The following CSTF3 variants were observed in gnomAD, a reference collection of about 807,000 sequenced individuals.
CSTF3 encodes the protein cleavage stimulation factor subunit 3, also known as CF-1 77 kDa subunit.
CSTF3 carries 29 observed loss-of-function variants against 105.8 expected under a neutral mutation model. The ratio of observed to expected loss-of-function variants is 0.27; its 90% CI spans 0.20 to 0.37. CSTF3 has a LOEUF of 0.37. CSTF3 is among the 10% of genes least tolerant of loss of function. The pLI is 1.00. For synonymous variants in CSTF3, 252 were observed against 281.9 expected, an observed-to-expected ratio of 0.89 and a Z score of 1.06; for missense variants, 357 against 879.3, an observed-to-expected ratio of 0.41 and a Z score of 7.51.
chr11:33,086,826 G>T (rs990780673), intron 18 of CSTF3, among the ~76,000 whole-genome samples, 162 bp downstream of exon 18: 2 of 152,146 alleles, frequency 1.3e-5, no homozygotes, highest in African/African-American at 4.8e-5. Context: ...GACATTCTTA[G>T]TTAATCTAGT....
At chr11:33,112,972 C>T (rs1052028504) in intron 3 of CSTF3, among the ~76,000 whole-genome samples, 4 of 151,974 alleles carry the variant, frequency 2.6e-5, no homozygotes, top group Admixed American at 2.0e-4. Context: ...CTTTGGGAGG[C>T]CTCGGTGGGT....
chr11:33,118,012 G>A (rs188512261), intron 3 of CSTF3, among the ~76,000 whole-genome samples: 4 of 151,332 alleles, frequency 2.6e-5, no homozygotes, highest in African/African-American at 4.8e-5. Context: ...TCACAAAGGA[G>A]AGAGTTGGGA....
chr11:33,108,513 C>A (rs1208996430), intron 3 of CSTF3, 95 bp from the exon 4 acceptor site: 1 of 935,834 alleles, frequency 1.1e-6, no homozygotes, highest in African/African-American at 1.7e-5. Context: ...GCAAATTCAT[C>A]CCTATAGTTT....
intron 3 of CSTF3, among the ~76,000 whole-genome samples, chr11:33,132,020 T>C (rs186350213): frequency 2.8e-4 from 43 of 152,274 alleles, no homozygotes; most frequent in African/African-American, 9.9e-4. Context: ...CTATATATTA[T>C]TCTTTCAAAT....
intron 12 of CSTF3, 23 bp from the exon 13 acceptor site, chr11:33,098,787 A>G (rs755439194): frequency 6.9e-7 from 1 of 1,452,356 alleles, no homozygotes; most frequent in South Asian, 1.4e-5. Flanking sequence ...AGAAGAAGTG[A>G]GTATCAACAT....
chr11:33,123,208 G>T (rs1232059988), intron 3 of CSTF3, among the ~76,000 whole-genome samples: 1 of 150,814 alleles, frequency 6.6e-6, no homozygotes, highest in African/African-American at 2.4e-5. Flanking sequence ...CAAAAAAATG[G>T]ACTAGAGAGA....
intron 1 of CSTF3, among the ~76,000 whole-genome samples, chr11:33,154,736 C>T (rs1309856893): frequency 1.3e-5 from 2 of 152,042 alleles, no homozygotes; most frequent in Non-Finnish European, 2.9e-5. Context: ...ACCAAGTGAT[C>T]CGCCAGCCTC....
At chr11:33,102,714 TC>T (rs1301089606) in intron 9 of CSTF3, among the ~76,000 whole-genome samples, 1 of 152,152 alleles carries the variant, frequency 6.6e-6, no homozygotes, top group Non-Finnish European at 1.5e-5. Flanking sequence ...TTTCCTAACT[TC>T]CAAGAGTGTC....
chr11:33,126,130 T>A (rs1855540271), intron 3 of CSTF3, among the ~76,000 whole-genome samples: 1 of 152,210 alleles, frequency 6.6e-6, no homozygotes, highest in Admixed American at 6.5e-5. Context: ...ACTGAGGCAC[T>A]AAATTCCAAA....
Position 33,146,820 on chromosome 11 carries a change from C to G in CSTF3, c.28-4834G>C, listed in dbSNP as rs539117445. On this transcript the variant is annotated intron_variant, in intron 1 of 20. Coordinates refer to ENST00000323959, the MANE Select transcript of CSTF3 (RefSeq NM_001326.3). ...TTGTAGTGGCCCTTGGGATACATAA[C>G]AAAATAAAGAATTCTTTCAATGGGT... Among the ~76,000 whole-genome samples the G allele has an allele frequency of 6.9e-5, 10 of 145,268 alleles. No individual in the cohort carries two copies. The South Asian group carries it at 2.2e-3, about 32-fold the overall frequency.
In CSTF3 at chr11:33,093,124, GT is replaced by G. The variant is rs145307649; in HGVS notation, c.1376-785del. ...GAAAAATTAACCCAGCAGAGGAGTT[GT>G]TTTTTATTGCCTGAGAGTAGTTATT... On this transcript the variant is annotated intron_variant, in intron 15 of 20. Transcript: ENST00000323959. 1.6e-3 allele frequency among the ~76,000 whole-genome samples: 250 copies of G among 152,252 alleles called. 5 individuals carry two copies. The highest frequency in any genetic ancestry group is 5.8e-3 in the African/African-American group (241 of 41,540).
intron 1 of CSTF3, among the ~76,000 whole-genome samples, chr11:33,158,180 A>G (rs1849889995): frequency 6.6e-6 from 1 of 152,178 alleles, no homozygotes; most frequent in Non-Finnish European, 1.5e-5. Flanking sequence ...TACATGTTTG[A>G]AATGTATTAT....
chr11:33,148,860 G>GTGT (rs1554952820), intron 1 of CSTF3, among the ~76,000 whole-genome samples: 3 of 133,686 alleles, frequency 2.2e-5, no homozygotes, highest in Admixed American at 7.9e-5. Context: ...CTGTTGCTGT[G>GTGT]TTTTTTTTTT....
At chr11:33,159,727 G>A (rs1849915107) in intron 1 of CSTF3, among the ~76,000 whole-genome samples, 1 of 151,974 alleles carries the variant, frequency 6.6e-6, no homozygotes, top group South Asian at 2.1e-4. Flanking sequence ...GAGCTGTGAT[G>A]GCGTCACAGC....
At chr11:33,149,847 T>C (rs550694874) in intron 1 of CSTF3, among the ~76,000 whole-genome samples, 1 of 152,148 alleles carries the variant, frequency 6.6e-6, no homozygotes, top group African/African-American at 2.4e-5. Context: ...GGTAAAACCC[T>C]GTCTCTACTA....
chr11:33,114,087 G>C (rs1855407511), intron 3 of CSTF3, among the ~76,000 whole-genome samples: 1 of 152,080 alleles, frequency 6.6e-6, no homozygotes, highest in East Asian at 1.9e-4. Context: ...TAAATTATTG[G>C]AACTAATGAT....
chr11:33,085,996 GA>G lies in CSTF3; in HGVS notation c.1796-8del. 1.4e-6 allele frequency: 2 copies of G among 1,461,136 alleles called. No homozygotes were observed. The highest frequency in any genetic ancestry group is 9.1e-7 in the Non-Finnish European group (1 of 1,104,630). The allele number at this position is 1,461,136 out of a possible 1,614,324, so 90.5% of individuals were successfully genotyped here. A position where few individuals can be genotyped will look rare whatever the true frequency, so the allele number is the denominator to read the frequency against. Reference sequence around the variant, plus strand: ...ACAGGGTGTAAACCTGGAGCTGTGAGAAAAAGAAAAGTATGAATCAAGTGGA... The same window carrying G: ...ACAGGGTGTAAACCTGGAGCTGTGAGAAAAGAAAAGTATGAATCAAGTGGA... On this transcript the variant is annotated splice_region_variant and splice_polypyrimidine_tract_variant and intron_variant, in intron 18 of 20. Transcript: ENST00000323959.
At chr11:33,106,499 C>A (rs1211679231) in intron 5 of CSTF3, among the ~76,000 whole-genome samples, 1 of 152,102 alleles carries the variant, frequency 6.6e-6, no homozygotes, top group Non-Finnish European at 1.5e-5. Context: ...GAGGCTGAGG[C>A]AGGAGGATCA....
At chr11:33,148,629 G>T (rs1855814737) in intron 1 of CSTF3, among the ~76,000 whole-genome samples, 1 of 151,746 alleles carries the variant, frequency 6.6e-6, no homozygotes, top group African/African-American at 2.4e-5. Context: ...CTGGGAAGCA[G>T]AGGTTGCAGT....
Sources: gnomAD v4.1 joint callset for allele counts (sites outside exome capture counted in the v4.1 genomes callset) on GRCh38, gnomAD v4.1.1 for gene constraint, MANE v1.5 for transcripts, NCBI Gene and HGNC (gene_info 2026-07-23, HGNC 2026-07-21) for gene names.